CNTNAP4: variants seen among roughly 807,000 people sequenced by gnomAD.
CNTNAP4 encodes contactin-associated protein-like 4.
In CNTNAP4, 98 loss-of-function variants were observed where a neutral mutation model predicts 148.4. That is an observed-to-expected ratio of 0.66 (90% CI 0.56 to 0.78). CNTNAP4 has a LOEUF of 0.78. CNTNAP4 is among the 30% of genes least tolerant of loss of function. CNTNAP4 has a pLI of 0.00. For synonymous variants in CNTNAP4, 730 were observed against 565.1 expected, an observed-to-expected ratio of 1.29 and a Z score of -4.14; for missense variants, 1,935 against 1,565.6, an observed-to-expected ratio of 1.24 and a Z score of -3.98.
chr16:76,296,578 A>G (rs1213431101), intron 1 of CNTNAP4, among the ~76,000 whole-genome samples: 1 of 152,184 alleles, frequency 6.6e-6, no homozygotes, highest in Non-Finnish European at 1.5e-5. Context: ...ATATTGAAGT[A>G]TGTTCTAGAA....
intron 21 of CNTNAP4, among the ~76,000 whole-genome samples, chr16:76,552,560 C>T (rs2084999927): frequency 6.6e-6 from 1 of 152,052 alleles, no homozygotes; most frequent in Non-Finnish European, 1.5e-5. Flanking sequence ...TAACTAAATT[C>T]TTATTAATAG....
chr16:76,284,221 G>A (rs1412341802), intron 1 of CNTNAP4, among the ~76,000 whole-genome samples: 1 of 151,876 alleles, frequency 6.6e-6, no homozygotes, highest in African/African-American at 2.4e-5. Context: ...ATTGTTGCAT[G>A]ATGTTCCTAT....
intron 4 of CNTNAP4, among the ~76,000 whole-genome samples, chr16:76,432,185 G>A (rs4887859): frequency 0.99 from 150,431 of 152,238 alleles, 74,347 homozygotes; most frequent in South Asian, 1. Flanking sequence ...ATATTTTTAT[G>A]CCAGGCTCCC....
rs1032493399 is a variant in CNTNAP4 at position 76,468,776 on chromosome 16, G to A, written c.1655+1253G>A. Among the ~76,000 whole-genome samples, 3 of 152,186 alleles carry A rather than the reference G, an allele frequency of 2.0e-5. No homozygotes were observed. The East Asian group carries it at 5.8e-4, about 30-fold the overall frequency. ...GCCCAGCCAAAAATAATAATTAATA[G>A]TAATAATTGAAACCTGTGGTTAGGC... On this transcript the variant is annotated intron_variant, in intron 10 of 23. Transcript: ENST00000611870.
Position 76,393,239 on chromosome 16 carries a change from G to A in CNTNAP4, c.391-34213G>A, listed in dbSNP as rs144136513. ...ATTTTACTACCCACTGAAAAGCTCCGGCCTATGTCCTATATAGGAAATGTG... is the reference window on the plus strand; with the variant it reads ...ATTTTACTACCCACTGAAAAGCTCCAGCCTATGTCCTATATAGGAAATGTG... On this transcript the variant is annotated intron_variant, in intron 3 of 23. Transcript: ENST00000611870. Among the ~76,000 whole-genome samples, 187 of 152,110 alleles carry A rather than the reference G, an allele frequency of 1.2e-3. 2 individuals are homozygous for A. The highest frequency in any genetic ancestry group is 4.4e-3 in the African/African-American group (183 of 41,490).
intron 1 of CNTNAP4, among the ~76,000 whole-genome samples, chr16:76,300,644 A>G (rs929425030): frequency 1.3e-5 from 2 of 152,244 alleles, no homozygotes; most frequent in South Asian, 2.1e-4. Context: ...TCAATTTTTC[A>G]TATAGAAAAT....
chr16:76,454,159 G>C (rs549266267), intron 8 of CNTNAP4, among the ~76,000 whole-genome samples: 1 of 148,900 alleles, frequency 6.7e-6, no homozygotes, highest in Admixed American at 6.8e-5. Flanking sequence ...TTGTTGCCCA[G>C]GCTGGAGTGT....
intron 3 of CNTNAP4, among the ~76,000 whole-genome samples, chr16:76,407,355 G>T (rs114155634): frequency 1.6e-3 from 241 of 152,074 alleles, no homozygotes; most frequent in African/African-American, 5.6e-3. Context: ...TAAGGCTATA[G>T]CTCTTATTGA....
chr16:76,479,988 A>G (rs1043870487), intron 12 of CNTNAP4, among the ~76,000 whole-genome samples: 1 of 152,194 alleles, frequency 6.6e-6, no homozygotes, highest in Non-Finnish European at 1.5e-5. Flanking sequence ...AATTACCAAT[A>G]GAAGGAAGTT....
intron 3 of CNTNAP4, among the ~76,000 whole-genome samples, 188 bp downstream of exon 3, chr16:76,355,699 TAAGGGTA>T (rs1265546287): frequency 3.9e-5 from 6 of 152,076 alleles, no homozygotes; most frequent in Non-Finnish European, 7.4e-5. Flanking sequence ...ATGAGAATAC[TAAGGGTA>T]AATTTATATT....
At chr16:76,438,498 C>G (rs13330989) in intron 4 of CNTNAP4, among the ~76,000 whole-genome samples, 15,001 of 151,988 alleles carry the variant, frequency 0.099, 2,330 homozygotes, top group African/African-American at 0.33. Context: ...AAGAGTATTG[C>G]CTTGGGAGTA....
intron 12 of CNTNAP4, 130 bp from the exon 13 acceptor site, chr16:76,489,539 ATTTGTGTTGATTCTACC>A (rs1477558730): frequency 2.3e-6 from 1 of 426,420 alleles, no homozygotes; most frequent in East Asian, 3.4e-5. Context: ...CCGAGAATCC[ATTTGTGTTGATTCTACC>A]TCTCAGGGAA....
intron 3 of CNTNAP4, among the ~76,000 whole-genome samples, chr16:76,358,097 G>A (rs567438624): frequency 6.6e-6 from 1 of 152,202 alleles, no homozygotes; most frequent in Non-Finnish European, 1.5e-5. Context: ...GCTTTGGGAG[G>A]CCAAGGTGGA....
chr16:76,502,114 C>G (rs1464942262), intron 15 of CNTNAP4, among the ~76,000 whole-genome samples: 2 of 152,028 alleles, frequency 1.3e-5, no homozygotes, highest in Non-Finnish European at 2.9e-5. Context: ...ATTTAGAGAC[C>G]CACTAATTAA....
rs565071984 is a variant in CNTNAP4, at chr16:76,491,621, G to A, written c.2080+1738G>A. On this transcript the variant is annotated intron_variant, in intron 13 of 23. Coordinates refer to ENST00000611870, the MANE Select transcript of CNTNAP4 (RefSeq NM_033401.5). Reference sequence around the variant, plus strand: ...CATCTTAGAATAAAAAAACAGATAAGCAAATCTGGAAGGGTATTCTAAGAA... The same window carrying A: ...CATCTTAGAATAAAAAAACAGATAAACAAATCTGGAAGGGTATTCTAAGAA... Among the ~76,000 whole-genome samples the A allele has an allele frequency of 5.3e-5, 8 of 152,300 alleles. No homozygotes were observed. In the East Asian group the frequency reaches 9.7e-4, roughly 18 times the overall value.
intron 17 of CNTNAP4, among the ~76,000 whole-genome samples, chr16:76,524,808 A>C (rs1179616186): frequency 2.6e-5 from 4 of 152,156 alleles, no homozygotes; most frequent in Non-Finnish European, 5.9e-5. Flanking sequence ...AAGTCAAGTC[A>C]CTGAAAATAA....
intron 1 of CNTNAP4, among the ~76,000 whole-genome samples, chr16:76,303,304 ACATTTCAGCCTTC>A (rs1252033614): frequency 3.3e-5 from 5 of 152,186 alleles, no homozygotes; most frequent in African/African-American, 7.2e-5. Context: ...TCACTAGGAA[ACATTTCAGCCTTC>A]ATCTTTAAGT....
intron 15 of CNTNAP4, among the ~76,000 whole-genome samples, chr16:76,500,331 A>G (rs1177398499): frequency 6.6e-6 from 1 of 152,244 alleles, no homozygotes; most frequent in Non-Finnish European, 1.5e-5. Context: ...TCAACAAATA[A>G]GTACTCCTAT....
At chr16:76,514,563 C>T (rs752424667) in intron 15 of CNTNAP4, among the ~76,000 whole-genome samples, 18 of 152,136 alleles carry the variant, frequency 1.2e-4, no homozygotes, top group Non-Finnish European at 2.5e-4. Flanking sequence ...ATCTATCTTA[C>T]TGTATGTGCA....
Sources: allele counts gnomAD v4.1 joint callset (sites outside exome capture counted in the v4.1 genomes callset), GRCh38; gene constraint gnomAD v4.1.1; transcripts MANE v1.5; gene names NCBI Gene and HGNC (gene_info 2026-07-23, HGNC 2026-07-21).